KIF26B: variants seen among roughly 807,000 people sequenced by gnomAD.
The protein encoded by KIF26B is kinesin-like protein KIF26B.
In KIF26B, 63 loss-of-function variants were observed where a neutral mutation model predicts 151.2. The observed-to-expected ratio is 0.42, with a 90% CI of 0.34 to 0.51. KIF26B has a LOEUF of 0.51. Ranked by LOEUF, KIF26B falls within the 20% of genes least tolerant of loss-of-function variation. The pLI, the probability that KIF26B is intolerant of heterozygous loss-of-function variation, is 0.07. For missense variants in KIF26B, 2,813 were observed against 2,913.6 expected, an observed-to-expected ratio of 0.97 and a Z score of 0.79; for synonymous variants, 1,357 against 1,262.1, an observed-to-expected ratio of 1.08 and a Z score of -1.59.
At chr1:245,369,975 A>G (rs1378532445) in intron 3 of KIF26B, among the ~76,000 whole-genome samples, 5 of 152,238 alleles carry the variant, frequency 3.3e-5, no homozygotes, top group Non-Finnish European at 7.3e-5. Context: ...GCTTCTTTGC[A>G]TCATGGGATA....
chr1:245,180,722 TG>T (rs1668890995), intron 2 of KIF26B, among the ~76,000 whole-genome samples: 1 of 148,660 alleles, frequency 6.7e-6, no homozygotes, highest in South Asian at 2.2e-4. Context: ...ATGGTGGTGG[TG>T]GGGGTAGGGG....
At chr1:245,489,887 T>G (rs1428074246) in intron 4 of KIF26B, among the ~76,000 whole-genome samples, 1 of 152,220 alleles carries the variant, frequency 6.6e-6, no homozygotes, top group Non-Finnish European at 1.5e-5. Flanking sequence ...TATCTGAGTT[T>G]TACAGAAACA....
intron 2 of KIF26B, among the ~76,000 whole-genome samples, chr1:245,253,108 C>A (rs1044482230): frequency 6.0e-5 from 9 of 150,054 alleles, no homozygotes; most frequent in African/African-American, 2.2e-4. Context: ...CTCCCAGGTT[C>A]AAGCAGTTCT....
intron 5 of KIF26B, among the ~76,000 whole-genome samples, chr1:245,578,548 C>A (rs562127953): frequency 6.6e-6 from 1 of 152,314 alleles, no homozygotes; most frequent in South Asian, 2.1e-4. Context: ...TAATGAATGC[C>A]CCCAGGGTAT....
At chr1:245,243,119 A>G (rs1479923077) in intron 2 of KIF26B, among the ~76,000 whole-genome samples, 1 of 152,188 alleles carries the variant, frequency 6.6e-6, no homozygotes, top group Non-Finnish European at 1.5e-5. Flanking sequence ...TAAGTTGTAC[A>G]TGTCTTCAAC....
intron 5 of KIF26B, among the ~76,000 whole-genome samples, chr1:245,550,422 T>C (rs74673881): frequency 0.018 from 2,783 of 152,350 alleles, 88 homozygotes; most frequent in African/African-American, 0.063. Flanking sequence ...TCTTGCCTGC[T>C]CCGTCCTGGC....
chr1:245,176,410 A>G (rs1668810267), intron 2 of KIF26B, among the ~76,000 whole-genome samples: 1 of 152,198 alleles, frequency 6.6e-6, no homozygotes, highest in Admixed American at 6.5e-5. Context: ...ATTTCATGGA[A>G]GGAGACCAGA....
rs569757523 is a variant in KIF26B at position 245,305,223 on chromosome 1, C to T, written c.466-61611C>T. Among the ~76,000 whole-genome samples, 7 of 151,830 alleles carry T rather than the reference C, an allele frequency of 4.6e-5. No individual in the cohort carries two copies. The South Asian group carries it at 6.2e-4, about 14-fold the overall frequency. On this transcript the variant is annotated intron_variant, in intron 2 of 14. Coordinates refer to ENST00000407071, the MANE Select transcript of KIF26B (RefSeq NM_018012.4). ...GGAAAATCTAAAGCACAGGGACAAA[C>T]GAAAAAAATAGATGACTTGGGACTA...
At chr1:245,604,973 C>T (rs114928491) in intron 6 of KIF26B, among the ~76,000 whole-genome samples, 1,582 of 152,288 alleles carry the variant, frequency 0.01, 7 homozygotes, top group Non-Finnish European at 0.015. Flanking sequence ...GTCCCTTTCC[C>T]GAGCAGACGT....
In KIF26B at chr1:245,469,574, G is replaced by A. The variant is rs74154404; in HGVS notation, c.1166+49829G>A. On this transcript the variant is annotated intron_variant, in intron 4 of 14. Coordinates refer to ENST00000407071, the MANE Select transcript of KIF26B (RefSeq NM_018012.4). ...CTTAATCAGTTATCCTTCACTCCAG[G>A]ACGAAACCATGCTTTCTGTGGTTAC... Among the ~76,000 whole-genome samples, 1,220 of 152,242 alleles carry A rather than the reference G, an allele frequency of 8.0e-3. 19 individuals are homozygous for A. The highest frequency in any genetic ancestry group is 0.028 in the African/African-American group (1,179 of 41,526).
chr1:245,246,156 A>G (rs1247653033), intron 2 of KIF26B, among the ~76,000 whole-genome samples: 1 of 152,034 alleles, frequency 6.6e-6, no homozygotes, highest in African/African-American at 2.4e-5. Context: ...TTCTTGATCA[A>G]CTGTGGGTGG....
intron 9 of KIF26B, among the ~76,000 whole-genome samples, chr1:245,622,792 A>G (rs974721865): frequency 6.6e-6 from 1 of 152,186 alleles, no homozygotes; most frequent in Admixed American, 6.5e-5. Context: ...CTGGAGGAGC[A>G]GCATTCCGCT....
intron 4 of KIF26B, among the ~76,000 whole-genome samples, chr1:245,508,500 C>T (rs907149586): frequency 1.3e-5 from 2 of 151,956 alleles, no homozygotes; most frequent in South Asian, 4.2e-4. Flanking sequence ...TCAACCTCCC[C>T]AAGTGCTGTG....
chr1:245,275,429 C>T (rs1670920915), intron 2 of KIF26B, among the ~76,000 whole-genome samples: 1 of 152,108 alleles, frequency 6.6e-6, no homozygotes, highest in African/African-American at 2.4e-5. Context: ...ATGGTATTGC[C>T]TAGGTTTTCT....
At chr1:245,451,003 ACGGC>A (rs944980752) in intron 4 of KIF26B, among the ~76,000 whole-genome samples, 1 of 152,042 alleles carries the variant, frequency 6.6e-6, no homozygotes, top group African/African-American at 2.4e-5. Context: ...CCTCGTGCCC[ACGGC>A]CATTACATTT....
At chr1:245,169,954 A>G (rs1450723248) in intron 2 of KIF26B, among the ~76,000 whole-genome samples, 2 of 151,952 alleles carry the variant, frequency 1.3e-5, no homozygotes, top group South Asian at 2.1e-4. Flanking sequence ...TCTCCTTGAC[A>G]CTACACTCCG....
At chr1:245,397,653 T>C (rs1358037091) in intron 3 of KIF26B, among the ~76,000 whole-genome samples, 1 of 152,222 alleles carries the variant, frequency 6.6e-6, no homozygotes. Flanking sequence ...TAATGATGTT[T>C]TTAAAATTGT....
chr1:245,229,605 A>G (rs901118715), intron 2 of KIF26B, among the ~76,000 whole-genome samples: 1 of 152,130 alleles, frequency 6.6e-6, no homozygotes, highest in Admixed American at 6.5e-5. Context: ...ATGTATACTC[A>G]CTGTGTTTGC....
In KIF26B at chr1:245,413,017, C is replaced by A. The variant is rs1321503267; in HGVS notation, c.1000-6562C>A. ...ATATGATGTGCTGTTTGGAAAGTAA[C>A]AGATATCCTTAAGGAGTGAAATGGT... is the stretch of plus-strand genomic sequence containing the variant. On this transcript the variant is annotated intron_variant, in intron 3 of 14. Coordinates refer to ENST00000407071, the MANE Select transcript of KIF26B (RefSeq NM_018012.4). Among the ~76,000 whole-genome samples the A allele has an allele frequency of 2.6e-5, 4 of 152,154 alleles. No homozygotes were observed. The East Asian group carries it at 5.8e-4, about 22-fold the overall frequency.
Sources: allele counts gnomAD v4.1 joint callset (sites outside exome capture counted in the v4.1 genomes callset), GRCh38; gene constraint gnomAD v4.1.1; transcripts MANE v1.5; gene names NCBI Gene and HGNC (gene_info 2026-07-23, HGNC 2026-07-21).